The following LHFPL3 variants were observed in gnomAD, a reference collection of about 807,000 sequenced individuals.
The protein encoded by LHFPL3 is LHFPL tetraspan subfamily member 3 protein.
In LHFPL3, 5 loss-of-function variants were observed where a neutral mutation model predicts 19.3. That is an observed-to-expected ratio of 0.26 (90% confidence interval 0.14 to 0.54). LHFPL3 has a LOEUF of 0.54. Among genes scored for constraint, LHFPL3 ranks in the 20% least tolerant of loss-of-function variants. The pLI, the probability that LHFPL3 is intolerant of heterozygous loss-of-function variation, is 0.94. For missense variants in LHFPL3, 249 were observed against 307.4 expected, an observed-to-expected ratio of 0.81 and a Z score of 1.42; for synonymous variants, 133 against 126.2, an observed-to-expected ratio of 1.05 and a Z score of -0.36.
chr7:104,890,284 A>G (rs899484843), intron 2 of LHFPL3, among the ~76,000 whole-genome samples: 1 of 151,444 alleles, frequency 6.6e-6, no homozygotes, highest in African/African-American at 2.4e-5. Context: ...CTGGTCAACA[A>G]AGTGAAATCC....
chr7:104,894,852 C>T (rs1300493411), intron 2 of LHFPL3: 1 of 152,216 alleles, frequency 6.6e-6, no homozygotes, highest in African/African-American at 2.4e-5. Flanking sequence ...AGTAAAATGA[C>T]TTGGCCACAT....
intron 1 of LHFPL3, among the ~76,000 whole-genome samples, chr7:104,522,016 A>C (rs1794073649): frequency 6.6e-6 from 1 of 152,010 alleles, no homozygotes; most frequent in Non-Finnish European, 1.5e-5. Context: ...ATACCATTTG[A>C]CCCAGCCATC....
chr7:104,644,638 T>G (rs1791897920), intron 1 of LHFPL3, among the ~76,000 whole-genome samples: 1 of 152,164 alleles, frequency 6.6e-6, no homozygotes, highest in Non-Finnish European at 1.5e-5. Context: ...CAGCAGTATG[T>G]GATATCCAGC....
chr7:104,627,868 C>T (rs886648017), intron 1 of LHFPL3, among the ~76,000 whole-genome samples: 2 of 152,202 alleles, frequency 1.3e-5, no homozygotes, highest in Non-Finnish European at 2.9e-5. Context: ...AAATAAAGCA[C>T]ATCTGCCTCA....
chr7:104,666,788 C>T (rs1037394704), intron 1 of LHFPL3, among the ~76,000 whole-genome samples: 7 of 151,926 alleles, frequency 4.6e-5, no homozygotes, highest in Non-Finnish European at 8.8e-5. Context: ...TCCCAAAGTG[C>T]TGGGATTACA....
At chr7:104,768,702 G>C (rs1019426455) in intron 2 of LHFPL3, 12 of 152,204 alleles carry the variant, frequency 7.9e-5, no homozygotes. Context: ...TCCAGGAACA[G>C]AATACCACTC....
intron 1 of LHFPL3, among the ~76,000 whole-genome samples, chr7:104,637,920 C>T (rs972140540): frequency 3.3e-5 from 5 of 150,516 alleles, no homozygotes; most frequent in East Asian, 3.9e-4. Flanking sequence ...GTTCTAGTCC[C>T]GTGAAGAATG....
chr7:104,732,015 A>C (rs987843990), intron 1 of LHFPL3, among the ~76,000 whole-genome samples: 15 of 152,046 alleles, frequency 9.9e-5, no homozygotes, highest in Non-Finnish European at 1.8e-4. Flanking sequence ...TGTTTATATG[A>C]TGGATTACGT....
chr7:104,674,659 A>G (rs1012111973), intron 1 of LHFPL3, among the ~76,000 whole-genome samples: 3 of 151,924 alleles, frequency 2.0e-5, no homozygotes, highest in Non-Finnish European at 4.4e-5. Context: ...GAGCCACTGC[A>G]CCCACTCGGG....
chr7:104,675,365 G>C (rs534906376), intron 1 of LHFPL3, among the ~76,000 whole-genome samples: 1 of 152,320 alleles, frequency 6.6e-6, no homozygotes, highest in African/African-American at 2.4e-5. Flanking sequence ...GCAGCAGGTG[G>C]GAGCAGCTCA....
chr7:104,584,579 C>A (rs1790528925), intron 1 of LHFPL3, among the ~76,000 whole-genome samples: 1 of 151,990 alleles, frequency 6.6e-6, no homozygotes, highest in South Asian at 2.1e-4. Context: ...TAAGTGTAAC[C>A]AACTAATAAG....
intron 1 of LHFPL3, among the ~76,000 whole-genome samples, chr7:104,724,022 A>G (rs935274430): frequency 6.6e-6 from 1 of 152,184 alleles, no homozygotes; most frequent in African/African-American, 2.4e-5. Flanking sequence ...AAGAATCAGA[A>G]ATAACTAATT....
At chr7:104,334,841 C>T (rs2116351661) in intron 1 of LHFPL3, among the ~76,000 whole-genome samples, 1 of 152,286 alleles carries the variant, frequency 6.6e-6, no homozygotes, top group South Asian at 2.1e-4. Flanking sequence ...AAAAAAACCT[C>T]ATATCATCCA....
intron 1 of LHFPL3, among the ~76,000 whole-genome samples, chr7:104,687,975 T>C (rs1792837390): frequency 6.6e-6 from 1 of 152,216 alleles, no homozygotes; most frequent in Non-Finnish European, 1.5e-5. Context: ...TGACCATGCA[T>C]GTAATTAGGA....
intron 1 of LHFPL3, among the ~76,000 whole-genome samples, chr7:104,660,771 A>T (rs931468913): frequency 2.0e-5 from 3 of 152,204 alleles, no homozygotes; most frequent in African/African-American, 7.2e-5. Context: ...ATTTGGCCTC[A>T]CAACAGCCCT....
intron 1 of LHFPL3, among the ~76,000 whole-genome samples, chr7:104,709,235 T>TTTTTTTATTG (rs1042048592): frequency 6.6e-6 from 1 of 151,496 alleles, no homozygotes; most frequent in African/African-American, 2.4e-5. Context: ...TTTTTTTATT[T>TTTTTTTATTG]TTTATCTTTA....
intron 1 of LHFPL3, among the ~76,000 whole-genome samples, chr7:104,603,221 G>A (rs1791021679): frequency 7.0e-6 from 1 of 142,060 alleles, no homozygotes; most frequent in Non-Finnish European, 1.5e-5. Flanking sequence ...TTCAAGACAT[G>A]GTCTTGCTTT....
intron 1 of LHFPL3, among the ~76,000 whole-genome samples, chr7:104,566,311 A>G (rs35881518): frequency 0.017 from 2,535 of 152,242 alleles, 55 homozygotes; most frequent in East Asian, 0.12. Context: ...TAACCACATC[A>G]CTACACTCCA....
At chr7:104,485,135 T>A (rs1051251124) in intron 1 of LHFPL3, among the ~76,000 whole-genome samples, 3 of 152,178 alleles carry the variant, frequency 2.0e-5, no homozygotes, top group Non-Finnish European at 4.4e-5. Context: ...TATGAAGTAT[T>A]TAAAAATATA....
Sources: allele counts gnomAD v4.1 joint callset (sites outside exome capture counted in the v4.1 genomes callset), GRCh38; gene constraint gnomAD v4.1.1; transcripts MANE v1.5; gene names NCBI Gene and HGNC (gene_info 2026-07-23, HGNC 2026-07-21).